Variants in WDR19 observed in about 807,000 individuals in gnomAD.
WDR19 encodes WD repeat-containing protein 19.
Under a neutral mutation model 180.0 loss-of-function variants are expected in WDR19, and 121 were observed. That is an observed-to-expected ratio of 0.67 (90% CI 0.58 to 0.78). The LOEUF is 0.78. WDR19 is among the 30% of genes least tolerant of loss of function. The pLI, the probability that WDR19 is intolerant of heterozygous loss-of-function variation, is 0.00. For synonymous variants in WDR19, 497 were observed against 540.7 expected, an observed-to-expected ratio of 0.92 and a Z score of 1.12; for missense variants, 1,450 against 1,640.7, an observed-to-expected ratio of 0.88 and a Z score of 2.01.
At position 39,228,201 on chromosome 4, in the gene WDR19, A is replaced by G. The variant is rs1560513950; in HGVS notation, c.1630-9A>G. On this transcript the variant is annotated splice_polypyrimidine_tract_variant and intron_variant, in intron 15 of 36. Transcript: ENST00000399820. Reference sequence around the variant, plus strand: ...GACTTGGGGCAAATCTGTAAATTTTATTTTGTAGGTCAATGACGCTACCTA... The same window carrying G: ...GACTTGGGGCAAATCTGTAAATTTTGTTTTGTAGGTCAATGACGCTACCTA... The G allele has an allele frequency of 3.1e-6, 5 of 1,611,006 alleles. No homozygotes were observed. The highest frequency in any genetic ancestry group is 1.3e-5 in the African/African-American group (1 of 74,866).
At position 39,228,650 on chromosome 4, in the gene WDR19, G is replaced by GTTC. The variant is rs1730541834; in HGVS notation, c.1942_1943insTTC (p.Glu648delinsValGln). 2 of 1,609,134 alleles carry GTTC rather than the reference G, an allele frequency of 1.2e-6. No individual in the cohort carries two copies. The highest frequency in any genetic ancestry group is 1.7e-6 in the Non-Finnish European group (2 of 1,177,694). Reference sequence around the variant, plus strand: ...CAACTTAAAAGATACGGGGCCTGACGAACTGAGACCAATGCTGGCACAGAA... The same window carrying GTTC: ...CAACTTAAAAGATACGGGGCCTGACGTTCAACTGAGACCAATGCTGGCACAGAA... On this transcript the variant is annotated protein_altering_variant, in exon 17 of 37. Transcript: ENST00000399820.
chr4:39,206,357 A>G (rs1433794337), intron 9 of WDR19, among the ~76,000 whole-genome samples: 1 of 152,338 alleles, frequency 6.6e-6, no homozygotes, highest in Non-Finnish European at 1.5e-5. Context: ...CAACAAGAAC[A>G]GTGGCACCAA....
At position 39,218,136 on chromosome 4, in the gene WDR19, TG is replaced by T. The variant is rs1255208572; in HGVS notation, c.1479+34del. On this transcript the variant is annotated intron_variant, in intron 14 of 36. Coordinates refer to ENST00000399820, the MANE Select transcript of WDR19 (RefSeq NM_025132.4). ...TATTGCCTTCTTTTTTAGAGAACACTGGGAATTTTTAATTTTTATTTTGTGA... is the reference window on the plus strand; with the variant it reads ...TATTGCCTTCTTTTTTAGAGAACACTGGAATTTTTAATTTTTATTTTGTGA... 3 of 1,575,522 alleles carry T rather than the reference TG, an allele frequency of 1.9e-6. No homozygotes were observed. The East Asian group carries it at 6.8e-5, about 35-fold the overall frequency.
intron 24 of WDR19, among the ~76,000 whole-genome samples, chr4:39,249,775 C>G (rs1221224236): frequency 2.6e-5 from 4 of 152,180 alleles, no homozygotes; most frequent in Non-Finnish European, 5.9e-5. Flanking sequence ...GACACATACA[C>G]TCCCCCAAGA....
rs1375996391 is a variant in WDR19, at chr4:39,244,256, T to G, written c.2430T>G (p.Asp810Glu). Residue 810 changes from aspartate (D) to glutamate (E), a missense_variant, in exon 22 of 37, where the codon GAT becomes GAG. Coordinates refer to ENST00000399820, the MANE Select transcript of WDR19 (RefSeq NM_025132.4). The stretch of plus-strand genomic sequence containing the variant: ...TTGCCTTGTGATTGCAGGAACATGA[T>G]GAAGCTTGTCTGGCTGGAGTGGCCC... ...KGITGDNKEH[D>E]EACLAGVAQM... is the part of the protein sequence containing the mutation. 17 of 1,611,058 alleles carry G rather than the reference T, an allele frequency of 1.1e-5. No individual in the cohort carries two copies. The highest frequency in any genetic ancestry group is 1.4e-5 in the Non-Finnish European group (17 of 1,177,812).
intron 21 of WDR19, among the ~76,000 whole-genome samples, chr4:39,240,988 T>G (rs1272688157): frequency 2.0e-5 from 3 of 151,872 alleles, no homozygotes; most frequent in African/African-American, 7.3e-5. Flanking sequence ...AGTAACCATT[T>G]TGAAAGTGAA....
chr4:39,277,493 G>A, intron 34 of WDR19, among the ~76,000 whole-genome samples: 1 of 152,142 alleles, frequency 6.6e-6, no homozygotes. Flanking sequence ...ATAAGCAGTA[G>A]TTTTTATTAT....
intron 3 of WDR19, among the ~76,000 whole-genome samples, chr4:39,186,811 A>G (rs1326141174): frequency 6.6e-6 from 1 of 152,260 alleles, no homozygotes; most frequent in Non-Finnish European, 1.5e-5. Flanking sequence ...ATATACTCAC[A>G]GAGAAGCCTT....
chr4:39,205,064 C>T, intron 7 of WDR19, 90 bp from the exon 8 acceptor site: 1 of 887,986 alleles, frequency 1.1e-6, no homozygotes, highest in Non-Finnish European at 1.7e-6. Context: ...ATTATTTTCA[C>T]AAATTAGGTT....
In WDR19 at chr4:39,277,078, C is replaced by A. The variant is rs886059403; in HGVS notation, c.3775C>A (p.Leu1259Ile). ...ATTPCPFCKF[L>I]LPECELLCPG... ...GACTCCATGTCCATTCTGCAAATTT[C>A]TTCTCCCAGAGTGTGAACTCCTCTG... The change falls in exon 34 of 37, where the codon CTT becomes ATT. Residue 1259 changes from leucine to isoleucine, a missense_variant. Transcript: ENST00000399820. 2.5e-6 allele frequency: 4 copies of A among 1,613,948 alleles called. No homozygotes were observed. The highest frequency in any genetic ancestry group is 8.5e-7 in the Non-Finnish European group (1 of 1,179,858).
intron 4 of WDR19, 126 bp downstream of exon 4, chr4:39,189,907 A>G (rs1725976686): frequency 9.5e-7 from 1 of 1,057,586 alleles, no homozygotes; most frequent in African/African-American, 1.7e-5. Context: ...ATAGAAAAGG[A>G]TTATTTTTAT....
chr4:39,186,819 C>G (rs1216863933), intron 3 of WDR19, among the ~76,000 whole-genome samples: 3 of 152,280 alleles, frequency 2.0e-5, no homozygotes, highest in East Asian at 3.9e-4. Flanking sequence ...ACAGAGAAGC[C>G]TTACGGCAGG....
chr4:39,217,382 T>G, intron 13 of WDR19, 142 bp downstream of exon 13: 1 of 658,554 alleles, frequency 1.5e-6, no homozygotes, highest in Non-Finnish European at 2.5e-6. Context: ...AACAAAACCC[T>G]TCCCCTTCTA....
intron 28 of WDR19, among the ~76,000 whole-genome samples, chr4:39,262,745 T>A (rs1734413835): frequency 6.6e-6 from 1 of 152,166 alleles, no homozygotes; most frequent in African/African-American, 2.4e-5. Flanking sequence ...ATTGCTATAG[T>A]AAGTCCCTTC....
At chr4:39,197,704 G>T (rs1256898071) in intron 5 of WDR19, among the ~76,000 whole-genome samples, 1 of 151,998 alleles carries the variant, frequency 6.6e-6, no homozygotes, top group Non-Finnish European at 1.5e-5. Flanking sequence ...CAATGAAAAA[G>T]CTTCCCAATA....
chr4:39,258,529 C>T (rs1026440811), intron 28 of WDR19, among the ~76,000 whole-genome samples: 13 of 152,108 alleles, frequency 8.5e-5, no homozygotes, highest in South Asian at 2.1e-4. Flanking sequence ...CCCCTTACTC[C>T]GTTAATGGAC....
At chr4:39,272,925 T>C (rs1735514848) in intron 31 of WDR19, 55 bp from the exon 32 acceptor site, 8 of 1,411,282 alleles carry the variant, frequency 5.7e-6, no homozygotes, top group Non-Finnish European at 7.7e-6. Flanking sequence ...GAACAAAGCA[T>C]GAATTGGGGC....
At chr4:39,247,566 G>A (rs1732663104) in intron 24 of WDR19, among the ~76,000 whole-genome samples, 1 of 152,106 alleles carries the variant, frequency 6.6e-6, no homozygotes, top group African/African-American at 2.4e-5. Flanking sequence ...CAAGCTAAAG[G>A]AGGAAGTTCG....
At chr4:39,228,383 C>G (rs143325155) in intron 16 of WDR19, 26 bp downstream of exon 16, 1 of 1,602,450 alleles carries the variant, frequency 6.2e-7, no homozygotes. Flanking sequence ...TGTGTATATT[C>G]GCTGACAGAT....
Sources: allele counts gnomAD v4.1 joint callset (sites outside exome capture counted in the v4.1 genomes callset), GRCh38; gene constraint gnomAD v4.1.1; transcripts MANE v1.5; gene names NCBI Gene and HGNC (gene_info 2026-07-23, HGNC 2026-07-21).